SCAPER: variants seen among roughly 807,000 people sequenced by gnomAD.
The protein encoded by SCAPER is S-phase cyclin A associated protein in the ER.
A neutral mutation model predicts 182.2 loss-of-function variants in SCAPER; 98 were observed. The ratio of observed to expected loss-of-function variants is 0.54; its 90% CI spans 0.46 to 0.64. The LOEUF is 0.64. Ranked by LOEUF, SCAPER falls within the 30% of genes least tolerant of loss-of-function variation. The probability of loss-of-function intolerance (pLI) is 0.00; values close to 1 mark genes in which losing one functional copy is unlikely to be tolerated. For synonymous variants in SCAPER, 605 were observed against 564.6 expected (o/e 1.07, Z -1.01); for missense variants, 1,432 against 1,690.0 (o/e 0.85, Z 2.68).
At chr15:76,471,802 C>T (rs189853508) in intron 24 of SCAPER, among the ~76,000 whole-genome samples, 60 of 152,220 alleles carry the variant, frequency 3.9e-4, no homozygotes, top group Non-Finnish European at 7.8e-4. Flanking sequence ...GATAAGACCC[C>T]GGAGTTCTAG....
intron 14 of SCAPER, among the ~76,000 whole-genome samples, chr15:76,764,417 A>G (rs2062991172): frequency 1.3e-5 from 2 of 152,248 alleles, no homozygotes; most frequent in African/African-American, 2.4e-5. Context: ...GTTTGGTTGC[A>G]GGCATACATG....
chr15:76,783,125 T>C (rs539152655), intron 8 of SCAPER, among the ~76,000 whole-genome samples: 35 of 151,954 alleles, frequency 2.3e-4, no homozygotes, highest in Middle Eastern at 6.8e-3. Flanking sequence ...ACCAAATTGA[T>C]AGACCACTAG....
intron 26 of SCAPER, among the ~76,000 whole-genome samples, chr15:76,431,676 C>A (rs1167446359): frequency 1.1e-3 from 52 of 47,114 alleles, no homozygotes; most frequent in South Asian, 2.9e-3. Flanking sequence ...AAATGATTAG[C>A]AAAAAAAAAA....
rs561549772 is a variant in SCAPER at position 76,364,808 on chromosome 15, T to C, written c.3856-10668A>G. 4.6e-5 allele frequency among the ~76,000 whole-genome samples: 7 copies of C among 152,024 alleles called. No individual in the cohort carries two copies. In the East Asian group the frequency reaches 1.4e-3, roughly 30 times the overall value. Reference sequence around the variant, plus strand: ...GTGTCATTCTCCTGCTTGTAACACTTAGGGGCTCCTCATCTCTGAGGGGAT... The same window carrying C: ...GTGTCATTCTCCTGCTTGTAACACTCAGGGGCTCCTCATCTCTGAGGGGAT... On this transcript the variant is annotated intron_variant, in intron 29 of 31. Coordinates refer to ENST00000563290, the MANE Select transcript of SCAPER (RefSeq NM_020843.4).
intron 23 of SCAPER, among the ~76,000 whole-genome samples, chr15:76,551,124 T>C (rs1200451350): frequency 1.3e-5 from 2 of 149,382 alleles, no homozygotes; most frequent in African/African-American, 4.9e-5. Flanking sequence ...CATAAATTAG[T>C]AGAGCCATTA....
chr15:76,857,702 T>C (rs1391122179), intron 4 of SCAPER, 107 bp downstream of exon 4: 1 of 741,522 alleles, frequency 1.3e-6, no homozygotes, highest in Non-Finnish European at 2.1e-6. Flanking sequence ...AAATTTTTAT[T>C]TAGATAAATA....
intron 20 of SCAPER, among the ~76,000 whole-genome samples, chr15:76,685,728 G>A (rs1348939020): frequency 6.6e-6 from 1 of 151,966 alleles, no homozygotes; most frequent in Non-Finnish European, 1.5e-5. Flanking sequence ...TGAGTAAAAG[G>A]ACAAGAAGCC....
chr15:76,399,863 G>A lies in SCAPER; in HGVS notation c.3467+4661C>T, dbSNP rs534302238. Among the ~76,000 whole-genome samples the A allele has an allele frequency of 9.9e-5, 15 of 152,184 alleles. No homozygotes were observed. The East Asian group carries it at 2.9e-3, about 29-fold the overall frequency. On this transcript the variant is annotated intron_variant, in intron 27 of 31. Transcript: ENST00000563290. Reference sequence around the variant, plus strand: ...CTACTAAAAATACAAAAATTAGCCAGGCATGGTGGCAAGCGCCTGTAATCC... The same window carrying A: ...CTACTAAAAATACAAAAATTAGCCAAGCATGGTGGCAAGCGCCTGTAATCC...
Position 76,804,625 on chromosome 15 carries a change from T to C in SCAPER, c.402A>G (p.Leu134=), listed in dbSNP as rs752735943. ...CTCTTACATAGTTATCCAGCATCAT[T>C]AGCACCTCCTAAAAGAAACAAAACA... ...DQSVVECKEV[L]MMLDNYVRDF... is the part of the protein sequence containing the mutation. The change falls in exon 6 of 32, where the codon CTA becomes CTG. Residue 134 remains leucine, a synonymous_variant. Coordinates refer to ENST00000563290, the MANE Select transcript of SCAPER (RefSeq NM_020843.4). 1.9e-6 allele frequency: 3 copies of C among 1,597,626 alleles called. No individual in the cohort carries two copies. Among genetic ancestry groups the C allele is most frequent in the Middle Eastern group, 3.3e-4 (2 of 6,030 alleles).
chr15:76,463,607 G>A (rs1567191286), intron 25 of SCAPER, among the ~76,000 whole-genome samples: 1 of 151,920 alleles, frequency 6.6e-6, no homozygotes, highest in Non-Finnish European at 1.5e-5. Context: ...TAAGGAACAG[G>A]TCACTATGAA....
intron 17 of SCAPER, among the ~76,000 whole-genome samples, chr15:76,712,524 T>C (rs1392177562): frequency 6.6e-6 from 1 of 152,204 alleles, no homozygotes. Flanking sequence ...TAAATTACCT[T>C]GGGCAGTATG....
intron 9 of SCAPER, among the ~76,000 whole-genome samples, chr15:76,772,890 G>A (rs2063546984): frequency 6.6e-6 from 1 of 151,788 alleles, no homozygotes; most frequent in African/African-American, 2.4e-5. Flanking sequence ...GATAAATGCT[G>A]CAGTGGCCAT....
intron 20 of SCAPER, among the ~76,000 whole-genome samples, chr15:76,700,176 T>C (rs1054106984): frequency 1.3e-5 from 2 of 152,206 alleles, no homozygotes; most frequent in Non-Finnish European, 1.5e-5. Context: ...CCTGTCCCAC[T>C]GTCAAGACAG....
intron 20 of SCAPER, among the ~76,000 whole-genome samples, chr15:76,672,177 CA>C (rs1401238023): frequency 3.3e-5 from 5 of 152,090 alleles, no homozygotes; most frequent in African/African-American, 4.8e-5. Flanking sequence ...AAAACAGAAC[CA>C]GGAAACTTCA....
At chr15:76,630,085 T>A (rs747707354) in intron 21 of SCAPER, among the ~76,000 whole-genome samples, 1 of 152,206 alleles carries the variant, frequency 6.6e-6, no homozygotes, top group Non-Finnish European at 1.5e-5. Flanking sequence ...GTGGGGTCTA[T>A]ACAGTATATA....
At position 76,353,969 on chromosome 15, in the gene SCAPER, A is replaced by G. The variant is rs750314053; in HGVS notation, c.4027T>C (p.Leu1343=). ...GGTACCTGAATGAAAGTGGCCAGTA[A>G]AACACAGCTCATCTCTTGCTCCAGA... ...IILEQEMSCV[L]LATFIQDLAQ... Residue 1343 remains leucine (L), a synonymous_variant, in exon 30 of 32, where the codon TTA becomes CTA. Coordinates refer to ENST00000563290, the MANE Select transcript of SCAPER (RefSeq NM_020843.4). 2 of 1,586,048 alleles carry G rather than the reference A, an allele frequency of 1.3e-6. No individual in the cohort carries two copies. Among genetic ancestry groups the G allele is most frequent in the Non-Finnish European group, 1.7e-6 (2 of 1,170,796 alleles).
intron 17 of SCAPER, among the ~76,000 whole-genome samples, chr15:76,714,131 CAA>C (rs1443244503): frequency 6.6e-6 from 1 of 151,586 alleles, no homozygotes; most frequent in African/African-American, 2.4e-5. Flanking sequence ...AGATGACAGA[CAA>C]GAGAGAAAGT....
intron 22 of SCAPER, among the ~76,000 whole-genome samples, chr15:76,604,044 C>A (rs1597620558): frequency 8.3e-6 from 1 of 120,510 alleles, no homozygotes; most frequent in Admixed American, 9.5e-5. Flanking sequence ...TCCCATTTGT[C>A]AATTTTGGCT....
At chr15:76,614,584 C>T (rs1312722857) in intron 22 of SCAPER, among the ~76,000 whole-genome samples, 1 of 151,726 alleles carries the variant, frequency 6.6e-6, no homozygotes. Context: ...CAATGAATCA[C>T]AAAAGTAGTC....
Sources: gnomAD v4.1 joint callset for allele counts (sites outside exome capture counted in the v4.1 genomes callset) on GRCh38, gnomAD v4.1.1 for gene constraint, MANE v1.5 for transcripts, NCBI Gene and HGNC (gene_info 2026-07-23, HGNC 2026-07-21) for gene names.